TMEM144: variants seen among roughly 807,000 people sequenced by gnomAD.
The protein encoded by TMEM144 is transmembrane protein 144.
In TMEM144, 39 loss-of-function variants were observed where a neutral mutation model predicts 43.6. The observed-to-expected ratio is 0.90, with a 90% CI of 0.69 to 1.17. The LOEUF (loss-of-function observed/expected upper bound fraction) is 1.17, where lower values mean the gene tolerates loss of function less well. TMEM144 is among the 50% of genes most tolerant of loss of function. The pLI, the probability that TMEM144 is intolerant of heterozygous loss-of-function variation, is 0.00. For missense variants in TMEM144, 417 were observed against 411.9 expected, an observed-to-expected ratio of 1.01 and a Z score of -0.11; for synonymous variants, 154 against 133.6, an observed-to-expected ratio of 1.15 and a Z score of -1.06.
At chr4:158,230,432 C>T (rs1339898007) in intron 6 of TMEM144, among the ~76,000 whole-genome samples, 1 of 152,064 alleles carries the variant, frequency 6.6e-6, no homozygotes, top group Non-Finnish European at 1.5e-5. Context: ...CCATCTTGGT[C>T]CCACCCATCC....
At chr4:158,213,820 T>G (rs1461950339) in intron 3 of TMEM144, 1 of 152,160 alleles carries the variant, frequency 6.6e-6, no homozygotes, top group Non-Finnish European at 1.5e-5. Context: ...TCCAGGGCCT[T>G]TCTTCTCTTT....
At chr4:158,235,215 G>A (rs1735280283) in intron 7 of TMEM144, 2 of 466,462 alleles carry the variant, frequency 4.3e-6, no homozygotes, top group South Asian at 7.7e-5. Flanking sequence ...TATTAAATGT[G>A]AGAATTTGAA....
intron 12 of TMEM144, among the ~76,000 whole-genome samples, chr4:158,251,769 A>T (rs929662547): frequency 1.3e-5 from 2 of 152,168 alleles, no homozygotes; most frequent in African/African-American, 4.8e-5. Context: ...CTTCATGAAT[A>T]TTCCACCCCT....
In TMEM144 at chr4:158,212,778, T is replaced by C; in HGVS notation, c.109+2T>C. Reference sequence around the variant, plus strand: ...TTAAAAAATTTGATACTGGTGATGGTAATTATTTTTCCTTGATTGTTAACG... The same window carrying C: ...TTAAAAAATTTGATACTGGTGATGGCAATTATTTTTCCTTGATTGTTAACG... On this transcript the variant is annotated splice_donor_variant, in intron 3 of 12. Transcript: ENST00000296529. LOFTEE classifies it high-confidence loss of function. 6.2e-7 allele frequency: 1 copy of C among 1,600,610 alleles called. No homozygotes were observed. Among genetic ancestry groups the C allele is most frequent in the Non-Finnish European group, 8.6e-7 (1 of 1,167,894 alleles).
intron 11 of TMEM144, among the ~76,000 whole-genome samples, chr4:158,243,384 A>G (rs1428273756): frequency 2.6e-5 from 4 of 152,196 alleles, no homozygotes; most frequent in Non-Finnish European, 5.9e-5. Flanking sequence ...CCAAGAGTGG[A>G]ATCAAACTTC....
At chr4:158,236,861 A>G (rs1004043071) in intron 8 of TMEM144, among the ~76,000 whole-genome samples, 3 of 152,100 alleles carry the variant, frequency 2.0e-5, no homozygotes, top group Admixed American at 2.0e-4. Flanking sequence ...ACCTCCCCCT[A>G]CAATCATTGG....
chr4:158,213,626 G>T (rs978742745), intron 3 of TMEM144: 1 of 152,220 alleles, frequency 6.6e-6, no homozygotes, highest in African/African-American at 2.4e-5. Context: ...TGGGGAAGGA[G>T]AAGCAAGAGT....
intron 12 of TMEM144, among the ~76,000 whole-genome samples, chr4:158,249,325 TA>T (rs1736060731): frequency 6.6e-6 from 1 of 152,218 alleles, no homozygotes; most frequent in African/African-American, 2.4e-5. Flanking sequence ...ATGTCTACAG[TA>T]ATGCCAACAC....
At chr4:158,248,948 C>G (rs755113345) in intron 12 of TMEM144, among the ~76,000 whole-genome samples, 2 of 152,102 alleles carry the variant, frequency 1.3e-5, no homozygotes, top group Non-Finnish European at 2.9e-5. Context: ...GCTCTGTTGC[C>G]CACGGTGGAG....
At chr4:158,248,867 A>G (rs1348907330) in intron 12 of TMEM144, among the ~76,000 whole-genome samples, 6 of 152,184 alleles carry the variant, frequency 3.9e-5, no homozygotes, top group Non-Finnish European at 8.8e-5. Context: ...TAATGCCATC[A>G]GTGCATCAGT....
At chr4:158,241,326 G>A (rs1243895515) in intron 10 of TMEM144, among the ~76,000 whole-genome samples, 183 bp from the exon 11 acceptor site, 1 of 151,768 alleles carries the variant, frequency 6.6e-6, no homozygotes. Context: ...ACCCATAGCA[G>A]GCAAGAGTAG....
intron 12 of TMEM144, among the ~76,000 whole-genome samples, chr4:158,248,783 C>G (rs1736021589): frequency 6.6e-6 from 1 of 152,206 alleles, no homozygotes; most frequent in South Asian, 2.1e-4. Context: ...AAGTCTACAA[C>G]CTACAGCTGC....
At chr4:158,231,458 TG>T (rs942188390) in intron 6 of TMEM144, among the ~76,000 whole-genome samples, 1 of 152,144 alleles carries the variant, frequency 6.6e-6, no homozygotes, top group African/African-American at 2.4e-5. Flanking sequence ...ACCCCAACAT[TG>T]GCTTTTATTG....
chr4:158,215,619 T>TAA (rs1734184683), intron 4 of TMEM144, among the ~76,000 whole-genome samples: 1 of 152,208 alleles, frequency 6.6e-6, no homozygotes, highest in Non-Finnish European at 1.5e-5. Flanking sequence ...TTTTAATGTG[T>TAA]TCTGGCCCTT....
At chr4:158,212,839 T>C (rs1391465917) in intron 3 of TMEM144, 63 bp downstream of exon 3, 5 of 1,305,566 alleles carry the variant, frequency 3.8e-6, no homozygotes, top group African/African-American at 2.9e-5. Context: ...CCTTTTTTGG[T>C]CTTTTAAAAG....
intron 7 of TMEM144, 31 bp downstream of exon 7, chr4:158,233,013 G>T: frequency 6.7e-7 from 1 of 1,482,962 alleles, no homozygotes; most frequent in Non-Finnish European, 9.2e-7. Flanking sequence ...AACTTGATTT[G>T]AAACATAAAA....
chr4:158,242,458 C>T (rs1248310580), intron 11 of TMEM144, among the ~76,000 whole-genome samples: 1 of 152,116 alleles, frequency 6.6e-6, no homozygotes, highest in East Asian at 1.9e-4. Flanking sequence ...CTTTTTTAAA[C>T]TTAAAATGTC....
intron 2 of TMEM144, among the ~76,000 whole-genome samples, 163 bp from the exon 3 acceptor site, chr4:158,212,445 A>C (rs1428474396): frequency 6.6e-6 from 1 of 152,232 alleles, no homozygotes; most frequent in Non-Finnish European, 1.5e-5. Context: ...TTGGTGATAG[A>C]ATAAATTAAC....
chr4:158,253,277 A>T (rs996748960), intron 12 of TMEM144, among the ~76,000 whole-genome samples, 167 bp from the exon 13 acceptor site: 4 of 152,186 alleles, frequency 2.6e-5, no homozygotes, highest in African/African-American at 9.7e-5. Context: ...GTGAATTCAT[A>T]AGGCTCTGCA....
Sources: allele counts gnomAD v4.1 joint callset (sites outside exome capture counted in the v4.1 genomes callset), GRCh38; gene constraint gnomAD v4.1.1; transcripts MANE v1.5; gene names NCBI Gene and HGNC (gene_info 2026-07-23, HGNC 2026-07-21).